FAM133A: variants seen among roughly 807,000 people sequenced by gnomAD.
FAM133A encodes family with sequence similarity 133 member A, also known as protein FAM133A.
For missense variants in FAM133A, 159 were observed against 164.4 expected, an observed-to-expected ratio of 0.97 and a Z score of 0.18; for synonymous variants, 65 against 58.6, an observed-to-expected ratio of 1.11 and a Z score of -0.50.
intron 3 of FAM133A, among the ~76,000 whole-genome samples, chrX:93,708,052 G>C (rs1431035575): frequency 5.4e-5 from 6 of 112,123 alleles, no homozygotes; most frequent in African/African-American, 1.6e-4. Flanking sequence ...GGGGTAGACA[G>C]AGAGGCAAAC....
rs1346011828 is a variant in FAM133A, at chrX:93,702,863, A to AAAAAAAAC, written c.-104+4381_-104+4388dup. Among the ~76,000 whole-genome samples the AAAAAAAAC allele has an allele frequency of 4.1e-4, 36 of 88,771 alleles. 2 individuals are homozygous for AAAAAAAAC. Among genetic ancestry groups the AAAAAAAAC allele is most frequent in the South Asian group, 5.6e-4 (1 of 1,776 alleles). The allele number at this position is 88,771 out of a possible 115,157, so 77.1% of individuals were successfully genotyped here. On this transcript the variant is annotated intron_variant, in intron 3 of 3. Transcript: ENST00000683942. ...AAAAAAAAAAAAAAAAAAAAAAAAA[A>AAAAAAAAC]AAAAAAACAACACTAGACAAACCCA... is the stretch of plus-strand genomic sequence containing the variant.
chrX:93,685,652 T>A (rs1925462425), intron 2 of FAM133A, among the ~76,000 whole-genome samples: 2 of 111,918 alleles, frequency 1.8e-5, no homozygotes, highest in African/African-American at 6.5e-5. Context: ...TGAAAACCGA[T>A]AGAATATTCT....
chrX:93,700,227 C>G (rs1480744798), intron 3 of FAM133A, among the ~76,000 whole-genome samples: 1 of 110,569 alleles, frequency 9.0e-6, no homozygotes, highest in East Asian at 2.8e-4. Flanking sequence ...CTATCCATCC[C>G]CCAACCGCCA....
At position 93,710,180 on chromosome X, in the gene FAM133A, A is replaced by T. The variant is rs1339100222; in HGVS notation, c.*14A>T. ...AAGTCAAGGTAACATCAAGAAAAAA[A>T]GCAAGAATGAGTTTGCCGAGTTCCC... On this transcript the variant is annotated 3_prime_UTR_variant, in exon 4 of 4. Transcript: ENST00000683942. 1.1e-5 allele frequency: 13 copies of T among 1,147,892 alleles called. No homozygotes were observed. Among genetic ancestry groups the T allele is most frequent in the Non-Finnish European group, 1.4e-5 (12 of 871,207 alleles). The allele number at this position is 1,147,892 out of a possible 1,213,427, so 94.6% of individuals were successfully genotyped here. A position where few individuals can be genotyped will look rare whatever the true frequency, so the allele number is the denominator to read the frequency against.
At chrX:93,700,243 A>G (rs1487920479) in intron 3 of FAM133A, among the ~76,000 whole-genome samples, 1 of 110,764 alleles carries the variant, frequency 9.0e-6, no homozygotes, top group Non-Finnish European at 1.9e-5. Context: ...CGCCACTCCC[A>G]ATATTTTCTA....
At chrX:93,684,471 T>C (rs748922413) in intron 2 of FAM133A, among the ~76,000 whole-genome samples, 2 of 112,103 alleles carry the variant, frequency 1.8e-5, no homozygotes, top group Non-Finnish European at 3.8e-5. Flanking sequence ...ATATCTGCCT[T>C]GGTAACTTAG....
chrX:93,674,896 G>C (rs769748045), intron 2 of FAM133A, 144 bp downstream of exon 2: 2 of 111,041 alleles, frequency 1.8e-5, no homozygotes, highest in Middle Eastern at 8.5e-3. Context: ...AATCCACAGA[G>C]GTAATTTGGC....
At chrX:93,704,234 T>C (rs1175011298) in intron 3 of FAM133A, among the ~76,000 whole-genome samples, 2 of 111,969 alleles carry the variant, frequency 1.8e-5, no homozygotes, top group Non-Finnish European at 3.8e-5. Flanking sequence ...TTCTATATTA[T>C]CATCCAATGT....
At position 93,709,790 on chromosome X, in the gene FAM133A, A is replaced by G; in HGVS notation, c.371A>G (p.Glu124Gly). 1 of 1,195,081 alleles carries G rather than the reference A, an allele frequency of 8.4e-7. No individual in the cohort carries two copies. The highest frequency in any genetic ancestry group is 1.1e-6 in the Non-Finnish European group (1 of 886,509). Residue 124 changes from glutamate (E) to glycine (G), a missense_variant, in exon 4 of 4, where the codon GAA (glutamate) becomes GGA (glycine). Glu to Gly is a moderately conservative substitution (Grantham distance 98, BLOSUM62 -2). Coordinates refer to ENST00000683942, the MANE Select transcript of FAM133A (RefSeq NM_001171109.2). ...AGTTCTTCAGATTCTGAGGATGAGG[A>G]AAAGAAACAAGGAAAAAGGAGAAAG... ...SSSSSDSEDEEKKQGKRRKKK... is the reference protein window; with the variant it reads ...SSSSSDSEDEGKKQGKRRKKK...
chrX:93,687,180 G>A (rs1925586226), intron 2 of FAM133A, among the ~76,000 whole-genome samples: 1 of 112,311 alleles, frequency 8.9e-6, no homozygotes, highest in Non-Finnish European at 1.9e-5. Flanking sequence ...GAATAAAATG[G>A]CCTTTGCTGC....
At chrX:93,674,937 G>A (rs1924565957) in intron 2 of FAM133A, among the ~76,000 whole-genome samples, 185 bp downstream of exon 2, 1 of 111,368 alleles carries the variant, frequency 9.0e-6, no homozygotes, top group African/African-American at 3.3e-5. Context: ...ATACTTAACC[G>A]CATTAACTAT....
intron 2 of FAM133A, among the ~76,000 whole-genome samples, chrX:93,676,897 G>A (rs923348831): frequency 1.9e-5 from 2 of 103,116 alleles, no homozygotes; most frequent in African/African-American, 3.5e-5. Context: ...GTATACATAG[G>A]GATCTTGTAA....
At chrX:93,708,747 G>A (rs766316949) in intron 3 of FAM133A, among the ~76,000 whole-genome samples, 11 of 112,106 alleles carry the variant, frequency 9.8e-5, no homozygotes, top group African/African-American at 3.6e-4. Flanking sequence ...TAGCCCAAGC[G>A]AGAGATGATA....
intron 2 of FAM133A, among the ~76,000 whole-genome samples, chrX:93,690,501 C>A (rs754860328): frequency 5.4e-5 from 6 of 111,499 alleles, no homozygotes; most frequent in Admixed American, 1.9e-4. Flanking sequence ...TGCCCAGCTT[C>A]TTTCACTTAT....
chrX:93,709,439 G>A lies in FAM133A; in HGVS notation c.20G>A (p.Arg7Gln), dbSNP rs1430846249. The A allele has an allele frequency of 1.7e-6, 2 of 1,170,664 alleles. No individual in the cohort carries two copies. The highest frequency in any genetic ancestry group is 1.1e-6 in the Non-Finnish European group (1 of 880,792). MGKRDN[R>Q]VAYMNPIAMA... Reference sequence around the variant, plus strand: ...GGCACCATGGGGAAGCGGGATAATCGGGTAGCCTATATGAATCCTATAGCA... The same window carrying A: ...GGCACCATGGGGAAGCGGGATAATCAGGTAGCCTATATGAATCCTATAGCA... The change falls in exon 4 of 4, where the codon CGG (arginine) becomes CAG (glutamine). Residue 7 changes from arginine to glutamine, a missense_variant. By Grantham distance (43) the Arg-to-Gln change is conservative. Coordinates refer to ENST00000683942, the MANE Select transcript of FAM133A (RefSeq NM_001171109.2).
chrX:93,690,812 G>T (rs1190993831), intron 2 of FAM133A, among the ~76,000 whole-genome samples: 1 of 111,644 alleles, frequency 9.0e-6, no homozygotes, highest in African/African-American at 3.2e-5. Context: ...ATTTTCCAAT[G>T]TGGCTGTACT....
At chrX:93,698,887 A>C (rs1926499468) in intron 3 of FAM133A, among the ~76,000 whole-genome samples, 1 of 111,431 alleles carries the variant, frequency 9.0e-6, no homozygotes, top group South Asian at 3.7e-4. Context: ...TCCTTATAGA[A>C]TCCACGATCT....
At chrX:93,680,995 C>T (rs770526470) in intron 2 of FAM133A, among the ~76,000 whole-genome samples, 104 of 110,875 alleles carry the variant, frequency 9.4e-4, no homozygotes, top group Non-Finnish European at 1.4e-3. Flanking sequence ...TTTGAATGTA[C>T]AAACAGCGTA....
chrX:93,690,693 T>A (rs1384482053), intron 2 of FAM133A, among the ~76,000 whole-genome samples: 2 of 112,284 alleles, frequency 1.8e-5, no homozygotes, highest in East Asian at 5.5e-4. Context: ...TTTACATACA[T>A]GTATTTGTGT....
Sources: allele counts gnomAD v4.1 joint callset (sites outside exome capture counted in the v4.1 genomes callset), GRCh38; gene constraint gnomAD v4.1.1; transcripts MANE v1.5; gene names NCBI Gene and HGNC (gene_info 2026-07-23, HGNC 2026-07-21).